Variants in RNF220 observed in about 807,000 individuals in gnomAD.
The protein encoded by RNF220 is ring finger protein 220.
A neutral mutation model predicts 67.1 loss-of-function variants in RNF220; 7 were observed. The ratio of observed to expected loss-of-function variants is 0.10; its 90% CI spans 0.06 to 0.20. The LOEUF is 0.20. Ranked by LOEUF, RNF220 falls within the 10% of genes least tolerant of loss-of-function variation. The pLI, the probability that RNF220 is intolerant of heterozygous loss-of-function variation, is 1.00. For missense variants in RNF220, 565 were observed against 740.3 expected, an observed-to-expected ratio of 0.76 and a Z score of 2.75; for synonymous variants, 270 against 283.2, an observed-to-expected ratio of 0.95 and a Z score of 0.47.
chr1:44,499,763 A>G (rs966483595), intron 2 of RNF220, among the ~76,000 whole-genome samples: 7 of 152,162 alleles, frequency 4.6e-5, no homozygotes, highest in African/African-American at 1.7e-4. Flanking sequence ...GGACATCTCC[A>G]ATTGGATGTC....
At chr1:44,504,738 C>T (rs1259888171) in intron 2 of RNF220, among the ~76,000 whole-genome samples, 2 of 152,154 alleles carry the variant, frequency 1.3e-5, no homozygotes, top group African/African-American at 4.8e-5. Flanking sequence ...TCTTTTTTGG[C>T]ACAGACCGAG....
chr1:44,537,377 ATG>A (rs377063866), intron 2 of RNF220, among the ~76,000 whole-genome samples: 2 of 151,702 alleles, frequency 1.3e-5, no homozygotes, highest in East Asian at 1.9e-4. Flanking sequence ...GTGGTTCTTA[ATG>A]TGTGTGTGTG....
At chr1:44,625,926 G>A (rs778175448) in intron 4 of RNF220, among the ~76,000 whole-genome samples, 3 of 152,154 alleles carry the variant, frequency 2.0e-5, no homozygotes, top group Non-Finnish European at 4.4e-5. Flanking sequence ...GGCAGGCGGG[G>A]TAGCGGGTAT....
At position 44,531,006 on chromosome 1, in the gene RNF220, C is replaced by T. The variant is rs114725819; in HGVS notation, c.626-83159C>T. 6.5e-3 allele frequency among the ~76,000 whole-genome samples: 986 copies of T among 152,200 alleles called. 8 individuals carry two copies. Among genetic ancestry groups the T allele is most frequent in the African/African-American group, 0.023 (937 of 41,530 alleles). ...AATAAAATAATGAAAGAAAACTAAC[C>T]TGTGATTGTGATCTTGGAGATTTTG... On this transcript the variant is annotated intron_variant, in intron 2 of 14. Transcript: ENST00000361799.
In RNF220 at chr1:44,632,400, G is replaced by GGCCCCCCCCCCCCC; in HGVS notation, c.949+15_949+16insGCCCCCCCCCCCCC. 3 of 1,607,440 alleles carry GGCCCCCCCCCCCCC rather than the reference G, an allele frequency of 1.9e-6. No individual in the cohort carries two copies. Among genetic ancestry groups the GGCCCCCCCCCCCCC allele is most frequent in the Non-Finnish European group, 2.5e-6 (3 of 1,177,484 alleles). The stretch of plus-strand genomic sequence containing the variant: ...CCGACTGAATGGTGAGTCCTGCCCG[G>GGCCCCCCCCCCCCC]CCCCTCCCTCCGCCCCACCCCCGGC... On this transcript the variant is annotated intron_variant, in intron 6 of 14. Coordinates refer to ENST00000361799, the MANE Select transcript of RNF220 (RefSeq NM_018150.4).
chr1:44,569,627 G>A (rs1664287858), intron 2 of RNF220, among the ~76,000 whole-genome samples: 1 of 152,182 alleles, frequency 6.6e-6, no homozygotes, highest in Non-Finnish European at 1.5e-5. Flanking sequence ...ATGGGGCTGT[G>A]GGCAAAGCCT....
chr1:44,522,323 A>G (rs1260314262), intron 2 of RNF220, among the ~76,000 whole-genome samples: 3 of 152,190 alleles, frequency 2.0e-5, no homozygotes, highest in African/African-American at 7.2e-5. Context: ...AGTAGGACTA[A>G]TAATATCCAG....
chr1:44,499,992 C>T (rs1181249652), intron 2 of RNF220, among the ~76,000 whole-genome samples: 1 of 118,874 alleles, frequency 8.4e-6, no homozygotes, highest in Non-Finnish European at 2.1e-5. Context: ...CTGACAGCTT[C>T]TCTCCATCTC....
At chr1:44,571,214 C>T (rs1457908521) in intron 2 of RNF220, among the ~76,000 whole-genome samples, 1 of 152,220 alleles carries the variant, frequency 6.6e-6, no homozygotes, top group Non-Finnish European at 1.5e-5. Context: ...TCCATCTGCT[C>T]TCTCTACCAC....
chr1:44,587,868 C>T (rs1323250945), intron 2 of RNF220, among the ~76,000 whole-genome samples: 1 of 152,168 alleles, frequency 6.6e-6, no homozygotes, highest in East Asian at 1.9e-4. Flanking sequence ...TTACCAGATG[C>T]GTGCGTGAGA....
At position 44,417,255 on chromosome 1, in the gene RNF220, C is replaced by G. The variant is rs778903282; in HGVS notation, c.625+4533C>G. ...TCTCCCTCAGCTGCTCCCGGGTTCT[C>G]CCCTACTCCCCGGGGGCAAGAACTC... On this transcript the variant is annotated intron_variant, in intron 2 of 14. Coordinates refer to ENST00000361799, the MANE Select transcript of RNF220 (RefSeq NM_018150.4). The surrounding 1 kb of genome is among the most constrained non-coding windows in gnomAD (Gnocchi z 4.0). Among the ~76,000 whole-genome samples, 1 of 152,210 alleles carries G rather than the reference C, an allele frequency of 6.6e-6. No homozygotes were observed. The highest frequency in any genetic ancestry group is 2.4e-5 in the African/African-American group (1 of 41,452).
intron 5 of RNF220, among the ~76,000 whole-genome samples, chr1:44,631,353 G>C (rs1345973004): frequency 6.6e-6 from 1 of 152,240 alleles, no homozygotes; most frequent in Non-Finnish European, 1.5e-5. Context: ...GAAAAGGATT[G>C]AGTGTGAGGG....
intron 2 of RNF220, among the ~76,000 whole-genome samples, chr1:44,488,250 C>G (rs1242909908): frequency 1.3e-5 from 2 of 152,054 alleles, no homozygotes; most frequent in Non-Finnish European, 2.9e-5. Flanking sequence ...ATTCACCTGC[C>G]TCAGCCTCCC....
chr1:44,505,813 G>A (rs1658362067), intron 2 of RNF220, among the ~76,000 whole-genome samples: 1 of 152,116 alleles, frequency 6.6e-6, no homozygotes, highest in Non-Finnish European at 1.5e-5. Context: ...TGAACAATGC[G>A]ACATGGCGCA....
At chr1:44,531,624 A>T (rs756853080) in intron 2 of RNF220, among the ~76,000 whole-genome samples, 1 of 152,152 alleles carries the variant, frequency 6.6e-6, no homozygotes, top group Non-Finnish European at 1.5e-5. Context: ...TAAATTGAAG[A>T]TTTCTGACTT....
intron 2 of RNF220, among the ~76,000 whole-genome samples, chr1:44,528,798 G>C (rs1660608753): frequency 1.3e-5 from 2 of 151,466 alleles, no homozygotes; most frequent in South Asian, 4.2e-4. Context: ...ATTTTTAGTA[G>C]AGATGGGGTT....
At chr1:44,639,181 G>A (rs1644417024) in intron 8 of RNF220, among the ~76,000 whole-genome samples, 1 of 152,224 alleles carries the variant, frequency 6.6e-6, no homozygotes, top group Non-Finnish European at 1.5e-5. Context: ...TAACTATACA[G>A]CCCTTAAGAC....
chr1:44,586,261 G>A (rs1038276934), intron 2 of RNF220, among the ~76,000 whole-genome samples: 1 of 152,138 alleles, frequency 6.6e-6, no homozygotes, highest in Non-Finnish European at 1.5e-5. Context: ...TTGACAATTC[G>A]GTGTGGGCAT....
intron 4 of RNF220, among the ~76,000 whole-genome samples, chr1:44,625,806 C>T (rs374024386): frequency 4.0e-5 from 6 of 151,886 alleles, no homozygotes; most frequent in Admixed American, 1.3e-4. Flanking sequence ...GGGTCATCAC[C>T]GTAGCACCGG....
Sources: gnomAD v4.1 joint callset for allele counts (sites outside exome capture counted in the v4.1 genomes callset) on GRCh38, gnomAD v4.1.1 for gene constraint, Gnocchi (gnomAD v3.1) non-coding constraint, MANE v1.5 for transcripts, NCBI Gene and HGNC (gene_info 2026-07-23, HGNC 2026-07-21) for gene names.